PDZRN4: variants seen among roughly 807,000 people sequenced by gnomAD.
PDZRN4 encodes PDZ domain containing ring finger 4.
Under a neutral mutation model 99.0 loss-of-function variants are expected in PDZRN4, and 70 were observed. The observed-to-expected ratio is 0.71, with a 90% CI of 0.58 to 0.86. The LOEUF (loss-of-function observed/expected upper bound fraction) is 0.86. PDZRN4 is among the 40% of genes least tolerant of loss of function. The pLI, the probability that PDZRN4 is intolerant of heterozygous loss-of-function variation, is 0.00. For missense variants in PDZRN4, 1,474 were observed against 1,331.2 expected (o/e 1.11, Z -1.67); for synonymous variants, 551 against 501.6 (o/e 1.10, Z -1.32).
At chr12:41,437,767 A>G (rs1168844217) in intron 3 of PDZRN4, 6 of 1,511,548 alleles carry the variant, frequency 4.0e-6, no homozygotes, top group African/African-American at 1.4e-5. Flanking sequence ...GAAGAAGAGC[A>G]TGCTGCTACA....
chr12:41,386,252 A>C (rs1380068647), intron 3 of PDZRN4, among the ~76,000 whole-genome samples: 1 of 152,222 alleles, frequency 6.6e-6, no homozygotes, highest in Non-Finnish European at 1.5e-5. Flanking sequence ...GAAAACCAAC[A>C]CAAGACAAAG....
chr12:41,459,203 CT>C (rs1169791140), intron 3 of PDZRN4, among the ~76,000 whole-genome samples: 2 of 152,178 alleles, frequency 1.3e-5, no homozygotes, highest in African/African-American at 2.4e-5. Flanking sequence ...GTATTTATTA[CT>C]TTTTTTCTTT....
intron 3 of PDZRN4, among the ~76,000 whole-genome samples, chr12:41,324,313 G>T (rs1565552080): frequency 6.6e-6 from 1 of 151,978 alleles, no homozygotes; most frequent in Non-Finnish European, 1.5e-5. Context: ...AGTGTTTGAA[G>T]ATTAGGCCAT....
At chr12:41,386,415 A>G (rs994576572) in intron 3 of PDZRN4, among the ~76,000 whole-genome samples, 5 of 152,180 alleles carry the variant, frequency 3.3e-5, no homozygotes, top group African/African-American at 1.2e-4. Flanking sequence ...ACAGATAACT[A>G]GGGAGGTGAA....
chr12:41,477,364 T>C (rs1937613002), intron 3 of PDZRN4, among the ~76,000 whole-genome samples: 1 of 152,176 alleles, frequency 6.6e-6, no homozygotes, highest in Admixed American at 6.5e-5. Flanking sequence ...CTCACGGGAA[T>C]GAAAATAAAT....
At chr12:41,370,067 TTCTA>T (rs1186203236) in intron 3 of PDZRN4, among the ~76,000 whole-genome samples, 5 of 151,972 alleles carry the variant, frequency 3.3e-5, no homozygotes, top group Admixed American at 1.3e-4. Flanking sequence ...TACACATTAT[TTCTA>T]TCTATTAATT....
chr12:41,506,788 T>TTCCAC, intron 4 of PDZRN4, 76 bp downstream of exon 4: 5 of 1,490,752 alleles, frequency 3.4e-6, no homozygotes, highest in Non-Finnish European at 4.5e-6. Flanking sequence ...AAAGAAGCAG[T>TTCCAC]TCCACTAGCA....
intron 7 of PDZRN4, 137 bp from the exon 8 acceptor site, chr12:41,563,411 G>A: frequency 1.5e-6 from 1 of 645,310 alleles, no homozygotes; most frequent in Non-Finnish European, 2.7e-6. Context: ...GGCACTTTGA[G>A]CTGAGGGGCT....
At chr12:41,339,695 G>T (rs968585875) in intron 3 of PDZRN4, among the ~76,000 whole-genome samples, 2 of 152,088 alleles carry the variant, frequency 1.3e-5, no homozygotes, top group Middle Eastern at 3.4e-3. Context: ...TTAATAGGCA[G>T]AATATGTAAT....
At chr12:41,536,747 C>T (rs1340065656) in intron 5 of PDZRN4, among the ~76,000 whole-genome samples, 1 of 116,702 alleles carries the variant, frequency 8.6e-6, no homozygotes, top group Non-Finnish European at 1.8e-5. Flanking sequence ...AAAAAAATAA[C>T]ATCTATTGAA....
chr12:41,538,599 G>A (rs577569065), intron 5 of PDZRN4, among the ~76,000 whole-genome samples: 2 of 152,092 alleles, frequency 1.3e-5, no homozygotes, highest in African/African-American at 4.8e-5. Context: ...AACAACAAAT[G>A]GAGAAACATG....
intron 3 of PDZRN4, among the ~76,000 whole-genome samples, chr12:41,286,659 C>G (rs536233892): frequency 6.6e-6 from 1 of 152,208 alleles, no homozygotes; most frequent in South Asian, 2.1e-4. Flanking sequence ...ATGGATGTGT[C>G]AACACCAGGA....
chr12:41,233,505 A>G (rs1028444937), intron 3 of PDZRN4, among the ~76,000 whole-genome samples: 1 of 152,170 alleles, frequency 6.6e-6, no homozygotes, highest in East Asian at 1.9e-4. Context: ...TTATAGCAGC[A>G]CTATTCACAA....
chr12:41,392,013 T>C (rs1952214023), intron 3 of PDZRN4, among the ~76,000 whole-genome samples: 1 of 152,194 alleles, frequency 6.6e-6, no homozygotes, highest in Non-Finnish European at 1.5e-5. Flanking sequence ...GCTATAGATG[T>C]TATATTCACT....
chr12:41,189,532 C>G (rs1384155759), intron 1 of PDZRN4, among the ~76,000 whole-genome samples: 1 of 152,126 alleles, frequency 6.6e-6, no homozygotes, highest in African/African-American at 2.4e-5. Flanking sequence ...CTCCCGCGGC[C>G]ACCAGCATCC....
At chr12:41,223,446 C>T (rs1950971562) in intron 3 of PDZRN4, among the ~76,000 whole-genome samples, 1 of 152,050 alleles carries the variant, frequency 6.6e-6, no homozygotes, top group African/African-American at 2.4e-5. Flanking sequence ...GATAATCACA[C>T]AAAGGACACA....
chr12:41,520,888 C>A (rs1938483443), intron 5 of PDZRN4, among the ~76,000 whole-genome samples: 1 of 152,088 alleles, frequency 6.6e-6, no homozygotes, highest in Non-Finnish European at 1.5e-5. Context: ...GATGAAGGCA[C>A]AAAGCTGATA....
chr12:41,543,342 T>TGA lies in PDZRN4; in HGVS notation c.1204-9299_1204-9298dup, dbSNP rs1289766381. Among the ~76,000 whole-genome samples the TGA allele has an allele frequency of 1.0e-3, 158 of 151,574 alleles. 1 individual carries two copies. Among genetic ancestry groups the TGA allele is most frequent in the African/African-American group, 3.4e-3 (140 of 41,406 alleles). On this transcript the variant is annotated intron_variant, in intron 5 of 9. Transcript: ENST00000402685. ...CAGAATTAAAAAGTGTGTGTGTGTG[T>TGA]GAGAGAGAGAGAGAGATCTGTGTTC... is the stretch of plus-strand genomic sequence containing the variant.
At chr12:41,271,112 A>G (rs1236097812) in intron 3 of PDZRN4, among the ~76,000 whole-genome samples, 2 of 152,072 alleles carry the variant, frequency 1.3e-5, no homozygotes, top group African/African-American at 4.8e-5. Context: ...CTCAATGTAT[A>G]TAAATATTCT....
Sources: gnomAD v4.1 joint callset for allele counts (sites outside exome capture counted in the v4.1 genomes callset) on GRCh38, gnomAD v4.1.1 for gene constraint, MANE v1.5 for transcripts, NCBI Gene and HGNC (gene_info 2026-07-23, HGNC 2026-07-21) for gene names.